Variants in KIRREL3 observed in about 807,000 individuals in gnomAD.
The protein encoded by KIRREL3 is kirre like nephrin family adhesion molecule 3, also known as kin of IRRE-like protein 3.
Under a neutral mutation model 89.7 loss-of-function variants are expected in KIRREL3, and 36 were observed. The observed-to-expected ratio is 0.40, with a 90% confidence interval of 0.31 to 0.53. KIRREL3 has a LOEUF of 0.53. KIRREL3 is among the 20% of genes least tolerant of loss of function. The pLI is 0.49. For synonymous variants in KIRREL3, 445 were observed against 441.4 expected, an observed-to-expected ratio of 1.01 and a Z score of -0.10; for missense variants, 864 against 1,056.6, an observed-to-expected ratio of 0.82 and a Z score of 2.53.
Position 126,578,840 on chromosome 11 carries a change from G to T in KIRREL3, c.56-15928C>A, listed in dbSNP as rs995144889. Among the ~76,000 whole-genome samples, 1 of 152,112 alleles carries T rather than the reference G, an allele frequency of 6.6e-6. No homozygotes were observed. The highest frequency in any genetic ancestry group is 2.4e-5 in the African/African-American group (1 of 41,412). On this transcript the variant is annotated intron_variant, in intron 1 of 16. Coordinates refer to ENST00000525144, the MANE Select transcript of KIRREL3 (RefSeq NM_032531.4). This position sits in a 1 kb window ranked among gnomAD's most constrained non-coding sequence, Gnocchi z 4.9. ...CTAGGCTGGACTTACTGATTCCAAG[G>T]TGAAAATAAGCCATCACGTATTGAC...
At position 126,954,028 on chromosome 11, in the gene KIRREL3, G is replaced by C. The variant is rs745881766; in HGVS notation, c.55+46427C>G. Among the ~76,000 whole-genome samples, 1 of 152,194 alleles carries C rather than the reference G, an allele frequency of 6.6e-6. No homozygotes were observed. The highest frequency in any genetic ancestry group is 1.5e-5 in the Non-Finnish European group (1 of 68,008). ...TGAGCCTGTGTGTGTGTGCACAGGG[G>C]TGTGTGTGCACATGCGTGTGCATGT... is the stretch of plus-strand genomic sequence containing the variant. On this transcript the variant is annotated intron_variant, in intron 1 of 16. Transcript: ENST00000525144. The surrounding 1 kb of genome is among the most constrained non-coding windows in gnomAD (Gnocchi z 4.1).
At position 126,475,197 on chromosome 11, in the gene KIRREL3, C is replaced by T. The variant is rs1023401776; in HGVS notation, c.434-1731G>A. Among the ~76,000 whole-genome samples, 15 of 152,312 alleles carry T rather than the reference C, an allele frequency of 9.8e-5. No homozygotes were observed. Among genetic ancestry groups the T allele is most frequent in the Middle Eastern group, 3.4e-3 (1 of 294 alleles). ...CGCCCTTCTATGCAGGCTCTGTGCT[C>T]GGGGCTCTGGGCTGGAGAAGTTCAG... On this transcript the variant is annotated intron_variant, in intron 4 of 16. Coordinates refer to ENST00000525144, the MANE Select transcript of KIRREL3 (RefSeq NM_032531.4). The surrounding 1 kb of genome is among the most constrained non-coding windows in gnomAD (Gnocchi z 7.5).
rs969722810 is a variant in KIRREL3, at chr11:126,697,075, T to C, written c.56-134163A>G. 6.6e-6 allele frequency among the ~76,000 whole-genome samples: 1 copy of C among 152,210 alleles called. No homozygotes were observed. Among genetic ancestry groups the C allele is most frequent in the Non-Finnish European group, 1.5e-5 (1 of 68,026 alleles). Reference sequence around the variant, plus strand: ...TTCTTTCGCTCAGGGTGCTCTGCCCTGCGACTCAGCCTCCTTCGGGCTGCG... The same window carrying C: ...TTCTTTCGCTCAGGGTGCTCTGCCCCGCGACTCAGCCTCCTTCGGGCTGCG... On this transcript the variant is annotated intron_variant, in intron 1 of 16. Transcript: ENST00000525144. The surrounding 1 kb of genome is among the most constrained non-coding windows in gnomAD (Gnocchi z 4.2).
At position 126,463,439 on chromosome 11, in the gene KIRREL3, C is replaced by G; in HGVS notation, c.592-132G>C. 1.1e-6 allele frequency: 1 copy of G among 892,196 alleles called. No individual in the cohort carries two copies. The highest frequency in any genetic ancestry group is 1.7e-6 in the Non-Finnish European group (1 of 596,050). The allele number at this position is 892,196 out of a possible 1,614,324, so 55.3% of individuals were successfully genotyped here. A position where few individuals can be genotyped will look rare whatever the true frequency, so the allele number is the denominator to read the frequency against. ...GGATGGAGGGGTTCAGCTTAGGAGA[C>G]CTGGGCTGCCCATGTCTACGCAGAG... On this transcript the variant is annotated intron_variant, in intron 5 of 16. Coordinates refer to ENST00000525144, the MANE Select transcript of KIRREL3 (RefSeq NM_032531.4). The surrounding 1 kb of genome is among the most constrained non-coding windows in gnomAD (Gnocchi z 5.9).
At position 126,997,272 on chromosome 11, in the gene KIRREL3, T is replaced by C. The variant is rs1208230851; in HGVS notation, c.55+3183A>G. Reference sequence around the variant, plus strand: ...TATTTTTTCACCCAGGGGCAGAACATGTCTATTCTCAGCAGGAGGCAAATT... The same window carrying C: ...TATTTTTTCACCCAGGGGCAGAACACGTCTATTCTCAGCAGGAGGCAAATT... On this transcript the variant is annotated intron_variant, in intron 1 of 16. Transcript: ENST00000525144. The surrounding 1 kb of genome is among the most constrained non-coding windows in gnomAD (Gnocchi z 4.3). Among the ~76,000 whole-genome samples the C allele has an allele frequency of 6.6e-6, 1 of 152,178 alleles. No individual in the cohort carries two copies. Among genetic ancestry groups the C allele is most frequent in the Non-Finnish European group, 1.5e-5 (1 of 68,028 alleles).
Position 126,515,520 on chromosome 11 carries a change from G to A in KIRREL3, c.433+5795C>T, listed in dbSNP as rs1037578395. On this transcript the variant is annotated intron_variant, in intron 4 of 16. Transcript: ENST00000525144. The surrounding 1 kb of genome is among the most constrained non-coding windows in gnomAD (Gnocchi z 4.2). ...TCAGGCCATGTGGGCTCCAGAGAAG[G>A]CTTCCTGGAGGAGGAGTTGTCTGAG... 1.2e-4 allele frequency among the ~76,000 whole-genome samples: 18 copies of A among 152,202 alleles called. No individual in the cohort carries two copies. Among genetic ancestry groups the A allele is most frequent in the Admixed American group, 5.9e-4 (9 of 15,284 alleles).
intron 1 of KIRREL3, among the ~76,000 whole-genome samples, chr11:126,673,962 C>T (rs1191385338): frequency 1.3e-5 from 2 of 152,228 alleles, no homozygotes; most frequent in Non-Finnish European, 2.9e-5. Context: ...AATGAAGCTA[C>T]TTCTGGTCAT....
chr11:126,543,602 T>A (rs1938543366), intron 2 of KIRREL3, among the ~76,000 whole-genome samples: 2 of 152,082 alleles, frequency 1.3e-5, no homozygotes, highest in African/African-American at 2.4e-5. Context: ...CTCACTACTG[T>A]GCCCCCTACC....
At position 126,906,841 on chromosome 11, in the gene KIRREL3, T is replaced by TAA. The variant is rs1946608318; in HGVS notation, c.55+93613_55+93614insTT. ...TCCTGAAAGGATGGCTTTGCCTTTC[T>TAA]GAGGTCCATGAAGGGAAGTCAGAGT... is the stretch of plus-strand genomic sequence containing the variant. On this transcript the variant is annotated intron_variant, in intron 1 of 16. Coordinates refer to ENST00000525144, the MANE Select transcript of KIRREL3 (RefSeq NM_032531.4). The surrounding 1 kb of genome is among the most constrained non-coding windows in gnomAD (Gnocchi z 4.1). Among the ~76,000 whole-genome samples the TAA allele has an allele frequency of 1.3e-5, 2 of 152,250 alleles. No homozygotes were observed. Among genetic ancestry groups the TAA allele is most frequent in the Non-Finnish European group, 2.9e-5 (2 of 68,036 alleles).
rs1037605951 is a variant in KIRREL3 at position 126,443,955 on chromosome 11, G to A, written c.1252+1024C>T. The stretch of plus-strand genomic sequence containing the variant: ...AGCATTCGGAAACGGCAGAGGAATC[G>A]AACTGGCAGCTTTGCTTTTTGCCTG... On this transcript the variant is annotated intron_variant, in intron 10 of 16. Transcript: ENST00000525144. The surrounding 1 kb of genome is among the most constrained non-coding windows in gnomAD (Gnocchi z 7.3). Among the ~76,000 whole-genome samples the A allele has an allele frequency of 1.3e-5, 2 of 152,306 alleles. No individual in the cohort carries two copies. Among genetic ancestry groups the A allele is most frequent in the South Asian group, 2.1e-4 (1 of 4,818 alleles).
At chr11:126,591,036 G>T (rs2134706354) in intron 1 of KIRREL3, among the ~76,000 whole-genome samples, 1 of 152,298 alleles carries the variant, frequency 6.6e-6, no homozygotes, top group African/African-American at 2.4e-5. Context: ...GACCAGCCTG[G>T]GTTACACGGT....
chr11:126,850,938 C>G (rs1019421358), intron 1 of KIRREL3, among the ~76,000 whole-genome samples: 1 of 152,206 alleles, frequency 6.6e-6, no homozygotes, highest in Admixed American at 6.5e-5. Flanking sequence ...CCAAGTCACA[C>G]ATACACTGCA....
Position 126,553,094 on chromosome 11 carries a change from T to A in KIRREL3, c.133+9741A>T, listed in dbSNP as rs568124550. ...TGCAAGCCAGCCCTTCATGCTTTTA[T>A]GTCCCCATTTTAGACAACCAATATT... On this transcript the variant is annotated intron_variant, in intron 2 of 16. Transcript: ENST00000525144. The surrounding 1 kb of genome is among the most constrained non-coding windows in gnomAD (Gnocchi z 4.7). Among the ~76,000 whole-genome samples, 14 of 152,318 alleles carry A rather than the reference T, an allele frequency of 9.2e-5. No individual in the cohort carries two copies. The South Asian group carries it at 2.9e-3, about 32-fold the overall frequency.
chr11:126,603,323 G>A (rs1051012890), intron 1 of KIRREL3, among the ~76,000 whole-genome samples: 3 of 152,178 alleles, frequency 2.0e-5, no homozygotes, highest in African/African-American at 7.2e-5. Context: ...ACTCGTTTGG[G>A]GAGAAATACC....
intron 5 of KIRREL3, among the ~76,000 whole-genome samples, chr11:126,469,449 G>A (rs1489369460): frequency 6.6e-6 from 1 of 152,048 alleles, no homozygotes; most frequent in Non-Finnish European, 1.5e-5. Context: ...CCTGGGGGAG[G>A]AGGGGGTGGG....
chr11:126,592,797 C>T (rs1565577747), intron 1 of KIRREL3, among the ~76,000 whole-genome samples: 2 of 152,176 alleles, frequency 1.3e-5, no homozygotes, highest in Admixed American at 6.5e-5. Context: ...GAAGAGAAAG[C>T]TATTGAGCTG....
intron 1 of KIRREL3, among the ~76,000 whole-genome samples, chr11:126,757,717 T>C (rs1949548947): frequency 6.7e-6 from 1 of 148,934 alleles, no homozygotes; most frequent in South Asian, 2.1e-4. Flanking sequence ...GATTTACAGA[T>C]TGAAATAAAA....
In KIRREL3 at chr11:126,892,479, G is replaced by C. The variant is rs1945962956; in HGVS notation, c.55+107976C>G. ...GCAGCTTTTTTTTCTTGAAAAATCA[G>C]CTATTATTTATCCTTAAGGAAGAAA... On this transcript the variant is annotated intron_variant, in intron 1 of 16. Transcript: ENST00000525144. The surrounding 1 kb of genome is among the most constrained non-coding windows in gnomAD (Gnocchi z 5.4). Among the ~76,000 whole-genome samples, 2 of 152,082 alleles carry C rather than the reference G, an allele frequency of 1.3e-5. 1 individual carries two copies. The highest frequency in any genetic ancestry group is 4.1e-4 in the South Asian group (2 of 4,826).
At position 126,783,110 on chromosome 11, in the gene KIRREL3, C is replaced by T. The variant is rs759739425; in HGVS notation, c.55+217345G>A. Among the ~76,000 whole-genome samples, 4 of 152,298 alleles carry T rather than the reference C, an allele frequency of 2.6e-5. No homozygotes were observed. Among genetic ancestry groups the T allele is most frequent in the South Asian group, 2.1e-4 (1 of 4,822 alleles). ...ACAGAAATTTATTCTCTCACAGTTC[C>T]GGAGAATGCACGTTTAAAAATTAAG... On this transcript the variant is annotated intron_variant, in intron 1 of 16. Coordinates refer to ENST00000525144, the MANE Select transcript of KIRREL3 (RefSeq NM_032531.4). This position sits in a 1 kb window ranked among gnomAD's most constrained non-coding sequence, Gnocchi z 4.3.
Sources: allele counts gnomAD v4.1 joint callset (sites outside exome capture counted in the v4.1 genomes callset), GRCh38; gene constraint gnomAD v4.1.1; non-coding constraint Gnocchi (gnomAD v3.1); transcripts MANE v1.5; gene names NCBI Gene and HGNC (gene_info 2026-07-23, HGNC 2026-07-21).